PXDNL: variants seen among roughly 807,000 people sequenced by gnomAD.
The protein encoded by PXDNL is peroxidasin like.
Under a neutral mutation model 150.8 loss-of-function variants are expected in PXDNL, and 145 were observed. That is an observed-to-expected ratio of 0.96 (90% CI 0.84 to 1.10). PXDNL has a LOEUF of 1.10. Among genes scored for constraint, PXDNL ranks in the 50% least tolerant of loss-of-function variants. The probability of loss-of-function intolerance (pLI) is 0.00; values close to 1 mark genes in which losing one functional copy is unlikely to be tolerated. For missense variants in PXDNL, 2,087 were observed against 1,873.9 expected (o/e 1.11, Z -2.10); for synonymous variants, 757 against 725.7 (o/e 1.04, Z -0.69).
intron 19 of PXDNL, among the ~76,000 whole-genome samples, chr8:51,363,628 T>A (rs1298000278): frequency 6.6e-6 from 1 of 152,106 alleles, no homozygotes; most frequent in East Asian, 1.9e-4. Context: ...AGGTCAGGGG[T>A]CCATCTTTAA....
chr8:51,465,252 T>G (rs1415781178), intron 8 of PXDNL, among the ~76,000 whole-genome samples: 1 of 152,126 alleles, frequency 6.6e-6, no homozygotes, highest in Non-Finnish European at 1.5e-5. Flanking sequence ...TTTCAACATA[T>G]GCAAATCAAT....
chr8:51,597,904 G>A (rs1813611317), intron 2 of PXDNL, among the ~76,000 whole-genome samples: 1 of 151,922 alleles, frequency 6.6e-6, no homozygotes, highest in South Asian at 2.1e-4. Flanking sequence ...AGCAGAGAAG[G>A]GATTTCTCCA....
At chr8:51,754,798 C>T (rs906140103) in intron 1 of PXDNL, among the ~76,000 whole-genome samples, 12 of 152,100 alleles carry the variant, frequency 7.9e-5, no homozygotes, top group Non-Finnish European at 1.6e-4. Flanking sequence ...CCACTGCGCC[C>T]GGCCAAAAGT....
intron 3 of PXDNL, among the ~76,000 whole-genome samples, chr8:51,565,321 A>ATAG (rs1812800504): frequency 3.6e-4 from 49 of 135,590 alleles, no homozygotes; most frequent in African/African-American, 8.3e-4. Flanking sequence ...TAAATAAATA[A>ATAG]ATAGATAGAT....
chr8:51,696,933 A>G (rs1369197565), intron 1 of PXDNL, among the ~76,000 whole-genome samples: 1 of 152,210 alleles, frequency 6.6e-6, no homozygotes, highest in Non-Finnish European at 1.5e-5. Flanking sequence ...GTTTCAAAGC[A>G]GAAACCAATA....
intron 8 of PXDNL, among the ~76,000 whole-genome samples, chr8:51,464,943 T>C (rs766236507): frequency 3.3e-5 from 5 of 152,178 alleles, no homozygotes; most frequent in Non-Finnish European, 4.4e-5. Context: ...AGGCTTGGAC[T>C]ACATGGAGTC....
At chr8:51,661,682 T>C (rs958294526) in intron 1 of PXDNL, among the ~76,000 whole-genome samples, 1 of 152,092 alleles carries the variant, frequency 6.6e-6, no homozygotes, top group Non-Finnish European at 1.5e-5. Context: ...CCTCTCCTTA[T>C]ACACACGCAC....
chr8:51,622,849 C>T (rs1357496598), intron 2 of PXDNL, among the ~76,000 whole-genome samples: 1 of 152,220 alleles, frequency 6.6e-6, no homozygotes, highest in East Asian at 1.9e-4. Context: ...CTCCTGCGCT[C>T]ATTCTGCCTG....
chr8:51,528,663 G>A (rs79722160), intron 4 of PXDNL, among the ~76,000 whole-genome samples: 12,158 of 152,176 alleles, frequency 0.08, 568 homozygotes, highest in Middle Eastern at 0.13. Flanking sequence ...GTGGAAAAGG[G>A]GGCAGAAGAG....
At chr8:51,604,327 T>G (rs1002625444) in intron 2 of PXDNL, among the ~76,000 whole-genome samples, 1 of 152,084 alleles carries the variant, frequency 6.6e-6, no homozygotes, top group Non-Finnish European at 1.5e-5. Flanking sequence ...CCATAAAAAA[T>G]GATGAGTTCA....
At chr8:51,726,327 C>A (rs1415901194) in intron 1 of PXDNL, among the ~76,000 whole-genome samples, 2 of 152,212 alleles carry the variant, frequency 1.3e-5, no homozygotes, top group African/African-American at 4.8e-5. Flanking sequence ...CGGCTCTATG[C>A]CAGCTCTCAT....
intron 1 of PXDNL, among the ~76,000 whole-genome samples, chr8:51,753,395 C>A (rs1466985224): frequency 1.3e-5 from 2 of 152,166 alleles, no homozygotes; most frequent in African/African-American, 4.8e-5. Flanking sequence ...TAGAGAGCCA[C>A]AAGAATTATA....
intron 3 of PXDNL, among the ~76,000 whole-genome samples, chr8:51,576,898 G>GA (rs1813066766): frequency 6.6e-6 from 1 of 151,808 alleles, no homozygotes; most frequent in Non-Finnish European, 1.5e-5. Context: ...TGACAAATTA[G>GA]AAAAAATGGA....
At chr8:51,530,850 C>A (rs1449699130) in intron 4 of PXDNL, among the ~76,000 whole-genome samples, 1 of 152,130 alleles carries the variant, frequency 6.6e-6, no homozygotes, top group Non-Finnish European at 1.5e-5. Context: ...TTAATGTGTT[C>A]CTTTATTTCT....
chr8:51,523,064 A>G (rs1356667491), intron 4 of PXDNL, among the ~76,000 whole-genome samples: 2 of 152,228 alleles, frequency 1.3e-5, no homozygotes, highest in African/African-American at 4.8e-5. Context: ...ATGATAGTTT[A>G]AAATTGTATA....
At chr8:51,447,911 C>T (rs1809713588) in intron 11 of PXDNL, among the ~76,000 whole-genome samples, 1 of 152,072 alleles carries the variant, frequency 6.6e-6, no homozygotes, top group African/African-American at 2.4e-5. Context: ...ATGTAGGAAA[C>T]GTCATCACCC....
chr8:51,611,072 G>A (rs796078144), intron 2 of PXDNL, among the ~76,000 whole-genome samples: 6 of 152,234 alleles, frequency 3.9e-5, no homozygotes, highest in African/African-American at 1.4e-4. Flanking sequence ...TCATTGTATG[G>A]GTATTAGGGG....
chr8:51,786,967 A>C (rs2037466036), intron 1 of PXDNL, among the ~76,000 whole-genome samples: 1 of 152,186 alleles, frequency 6.6e-6, no homozygotes, highest in Non-Finnish European at 1.5e-5. Flanking sequence ...AAGATCCTAG[A>C]GCCTTTAAGA....
intron 4 of PXDNL, among the ~76,000 whole-genome samples, chr8:51,500,826 A>T (rs1811162681): frequency 6.6e-6 from 1 of 152,220 alleles, no homozygotes; most frequent in South Asian, 2.1e-4. Context: ...CAGGCAAGTA[A>T]AAAGAAAGCT....
Sources: allele counts gnomAD v4.1 joint callset (sites outside exome capture counted in the v4.1 genomes callset), GRCh38; gene constraint gnomAD v4.1.1; transcripts MANE v1.5; gene names NCBI Gene and HGNC (gene_info 2026-07-23, HGNC 2026-07-21).